THSD4: variants seen among roughly 807,000 people sequenced by gnomAD.
THSD4 encodes the protein thrombospondin type 1 domain containing 4.
In THSD4, 69 loss-of-function variants were observed where a neutral mutation model predicts 119.0. The observed-to-expected ratio is 0.58, with a 90% CI of 0.48 to 0.71. The LOEUF is 0.71. Ranked by LOEUF, THSD4 falls within the 30% of genes least tolerant of loss-of-function variation. The pLI, the probability that THSD4 is intolerant of heterozygous loss-of-function variation, is 0.00. For missense variants in THSD4, 1,393 were observed against 1,391.1 expected, an observed-to-expected ratio of 1.00 and a Z score of -0.02; for synonymous variants, 524 against 540.4, an observed-to-expected ratio of 0.97 and a Z score of 0.42.
intron 5 of THSD4, among the ~76,000 whole-genome samples, chr15:71,254,888 A>G (rs1208475691): frequency 6.6e-6 from 1 of 151,748 alleles, no homozygotes; most frequent in Non-Finnish European, 1.5e-5. Context: ...GTTTTTTCCT[A>G]CCAGTTTCCA....
At chr15:71,155,649 G>A (rs943811623) in intron 3 of THSD4, among the ~76,000 whole-genome samples, 1 of 152,184 alleles carries the variant, frequency 6.6e-6, no homozygotes, top group African/African-American at 2.4e-5. Context: ...GAGGAGACCA[G>A]TATGGAGCTT....
intron 6 of THSD4, among the ~76,000 whole-genome samples, chr15:71,363,918 C>T (rs924139731): frequency 6.6e-6 from 1 of 152,212 alleles, no homozygotes; most frequent in Non-Finnish European, 1.5e-5. Flanking sequence ...AACAATGCCT[C>T]ATTATTCCCC....
chr15:71,598,960 G>T (rs1454261962), intron 7 of THSD4, among the ~76,000 whole-genome samples: 1 of 152,160 alleles, frequency 6.6e-6, no homozygotes, highest in East Asian at 1.9e-4. Context: ...TGTCACTTAT[G>T]TTAGGAACAC....
At chr15:71,474,545 T>G (rs1040648578) in intron 7 of THSD4, among the ~76,000 whole-genome samples, 1 of 152,160 alleles carries the variant, frequency 6.6e-6, no homozygotes, top group African/African-American at 2.4e-5. Flanking sequence ...TGCTTGCAAG[T>G]ACAGAGTTCT....
In THSD4 at chr15:71,474,226, A is replaced by AT. The variant is rs5813635; in HGVS notation, c.1152+62414dup. Among the ~76,000 whole-genome samples, 103 of 148,542 alleles carry AT rather than the reference A, an allele frequency of 6.9e-4. 1 individual carries two copies. Among genetic ancestry groups the AT allele is most frequent in the Admixed American group, 1.1e-3 (17 of 14,994 alleles). ...GTTTGGCATCTTGCTATTTTATTTTATTTTTTTTTTTGAGATGGAGTCTCA... is the reference window on the plus strand; with the variant it reads ...GTTTGGCATCTTGCTATTTTATTTTATTTTTTTTTTTTGAGATGGAGTCTCA... On this transcript the variant is annotated intron_variant, in intron 7 of 17. Coordinates refer to ENST00000261862, the MANE Select transcript of THSD4 (RefSeq NM_024817.3).
In THSD4 at chr15:71,465,480, A is replaced by G. The variant is rs113391396; in HGVS notation, c.1152+53657A>G. Among the ~76,000 whole-genome samples, 766 of 152,288 alleles carry G rather than the reference A, an allele frequency of 5.0e-3. 3 individuals are homozygous for G. The highest frequency in any genetic ancestry group is 8.6e-3 in the Non-Finnish European group (584 of 68,026). Reference sequence around the variant, plus strand: ...AACTCCTTTCTACATTATAAAGCTAATTGATAGATTTATGCTTTATTTTCT... The same window carrying G: ...AACTCCTTTCTACATTATAAAGCTAGTTGATAGATTTATGCTTTATTTTCT... On this transcript the variant is annotated intron_variant, in intron 7 of 17. Transcript: ENST00000261862.
intron 6 of THSD4, among the ~76,000 whole-genome samples, chr15:71,320,897 T>G (rs2045257922): frequency 6.6e-6 from 1 of 152,224 alleles, no homozygotes; most frequent in African/African-American, 2.4e-5. Flanking sequence ...TAGCTAGGAT[T>G]TAATAACATG....
chr15:71,561,120 G>A (rs980930328), intron 7 of THSD4, among the ~76,000 whole-genome samples: 4 of 151,990 alleles, frequency 2.6e-5, no homozygotes, highest in South Asian at 2.1e-4. Flanking sequence ...GACTACAGGC[G>A]CCTGCCACCA....
At chr15:71,119,373 C>T (rs1203231155) in intron 1 of THSD4, among the ~76,000 whole-genome samples, 1 of 152,196 alleles carries the variant, frequency 6.6e-6, no homozygotes, top group Non-Finnish European at 1.5e-5. Context: ...TCCGCACACC[C>T]AGGTTTGGGG....
chr15:71,442,660 G>GTGTATGTA, intron 7 of THSD4, among the ~76,000 whole-genome samples: 2 of 25,818 alleles, frequency 7.7e-5, no homozygotes, highest in Admixed American at 5.2e-4. Flanking sequence ...GTGTGTGTGT[G>GTGTATGTA]TATATATATA....
rs1364353502 is a variant in THSD4 at position 71,377,053 on chromosome 15, T to C, written c.1016-34634T>C. 2.6e-5 allele frequency among the ~76,000 whole-genome samples: 4 copies of C among 152,136 alleles called. No individual in the cohort carries two copies. The East Asian group carries it at 7.7e-4, about 29-fold the overall frequency. ...CAGTTATCTGGGCCTGATGTGGCAC[T>C]GATTGTGGGAAGAGGAAAGAAATGG... On this transcript the variant is annotated intron_variant, in intron 6 of 17. Transcript: ENST00000261862.
chr15:71,239,660 C>T (rs1360032344), intron 4 of THSD4, among the ~76,000 whole-genome samples: 1 of 152,194 alleles, frequency 6.6e-6, no homozygotes, highest in Non-Finnish European at 1.5e-5. Context: ...CCGAACTACT[C>T]AACAGCTCCC....
chr15:71,119,885 A>G (rs1256653176), intron 1 of THSD4, among the ~76,000 whole-genome samples: 2 of 152,136 alleles, frequency 1.3e-5, no homozygotes. Context: ...CAGTTTCCCC[A>G]TGTGTAACAA....
intron 7 of THSD4, among the ~76,000 whole-genome samples, chr15:71,477,159 A>C (rs925504464): frequency 2.6e-5 from 4 of 152,340 alleles, no homozygotes; most frequent in Admixed American, 2.6e-4. Flanking sequence ...CATTGAAACG[A>C]GGCAAAAGCT....
intron 7 of THSD4, among the ~76,000 whole-genome samples, chr15:71,579,172 T>C (rs2049512917): frequency 6.6e-6 from 1 of 152,244 alleles, no homozygotes; most frequent in Non-Finnish European, 1.5e-5. Flanking sequence ...TGTTTTCAGT[T>C]TAAGATAAGT....
chr15:71,591,005 C>CAAAAAAAAAAA (rs67271025), intron 7 of THSD4, among the ~76,000 whole-genome samples: 68 of 57,508 alleles, frequency 1.2e-3, no homozygotes, highest in African/African-American at 1.4e-3. Context: ...GACTCCATCT[C>CAAAAAAAAAAA]AAAAAAAAAA....
chr15:71,600,883 A>T (rs1459901476), intron 7 of THSD4, among the ~76,000 whole-genome samples: 1 of 151,846 alleles, frequency 6.6e-6, no homozygotes, highest in Admixed American at 6.6e-5. Context: ...AGTAGCTGGG[A>T]TTACAGGCAC....
intron 3 of THSD4, among the ~76,000 whole-genome samples, chr15:71,211,750 C>T (rs147914748): frequency 8.3e-4 from 126 of 152,280 alleles, no homozygotes; most frequent in African/African-American, 2.8e-3. Context: ...ATGAAGAAAA[C>T]CAGCAGTTTA....
At chr15:71,300,585 G>C (rs1312840873) in intron 6 of THSD4, among the ~76,000 whole-genome samples, 1 of 152,170 alleles carries the variant, frequency 6.6e-6, no homozygotes, top group Non-Finnish European at 1.5e-5. Context: ...ATTCTAGGCA[G>C]GGTTCAGCTT....
Sources: allele counts gnomAD v4.1 joint callset (sites outside exome capture counted in the v4.1 genomes callset), GRCh38; gene constraint gnomAD v4.1.1; transcripts MANE v1.5; gene names NCBI Gene and HGNC (gene_info 2026-07-23, HGNC 2026-07-21).